The following COG8 variants were observed in gnomAD, a reference collection of about 807,000 sequenced individuals.
The protein encoded by COG8 is component of oligomeric golgi complex 8.
A neutral mutation model predicts 46.5 loss-of-function variants in COG8; 45 were observed. That is an observed-to-expected ratio of 0.97 (90% CI 0.76 to 1.24). The LOEUF (loss-of-function observed/expected upper bound fraction) is 1.24, where lower values mean the gene tolerates loss of function less well. COG8 is among the 50% of genes most tolerant of loss of function. The pLI is 0.00. For synonymous variants in COG8, 407 were observed against 347.8 expected (o/e 1.17, Z -1.90); for missense variants, 793 against 820.8 (o/e 0.97, Z 0.41).
At chr16:69,335,372 C>T in intron 2 of COG8, 24 bp from the exon 3 acceptor site, 1 of 1,553,110 alleles carries the variant, frequency 6.4e-7, no homozygotes, top group South Asian at 1.2e-5. Context: ...GAGAGAGTCA[C>T]ACTGCGCTGG....
rs1397753029 is a variant in COG8 at position 69,328,331 on chromosome 16, T to C, written c.*875A>G. On this transcript the variant is annotated 3_prime_UTR_variant, in exon 6 of 6. Coordinates refer to ENST00000306875, the MANE Select transcript of COG8 (RefSeq NM_032382.5). ...TATAACCAGGAAGTACTAATCCTGC[T>C]TTCTATGCCCAATTGTTAACAGGAA... The C allele has an allele frequency of 6.6e-6, 1 of 152,240 alleles. No individual in the cohort carries two copies. The highest frequency in any genetic ancestry group is 2.4e-5 in the African/African-American group (1 of 41,458). 9.4% of individuals were successfully genotyped at this position (152,240 alleles called of 1,614,324 possible).
chr16:69,332,551 G>C, intron 4 of COG8, 163 bp downstream of exon 4: 1 of 750,412 alleles, frequency 1.3e-6, no homozygotes, highest in Non-Finnish European at 2.3e-6. Context: ...ATGCTGTCGA[G>C]GAATGACTAC....
chr16:69,332,997 T>A, intron 3 of COG8, 115 bp from the exon 4 acceptor site: 2 of 903,382 alleles, frequency 2.2e-6, no homozygotes, highest in Non-Finnish European at 3.6e-6. Context: ...CAAAGTAATT[T>A]AACAGTACAT....
chr16:69,333,866 G>A (rs1567431339), intron 3 of COG8, among the ~76,000 whole-genome samples: 1 of 152,174 alleles, frequency 6.6e-6, no homozygotes, highest in Non-Finnish European at 1.5e-5. Context: ...AAAAGAATAT[G>A]CTAAAGGTAA....
rs1426967569 is a variant in COG8 at position 69,334,725 on chromosome 16, T to A, written c.1209A>T (p.Pro403=). The stretch of plus-strand genomic sequence containing the variant: ...GCATGTTACTGGTGCCCAGGATGGC[T>A]GGAGCCGAGATGAGCATGTAGGAGT... ...EMNSYMLISA[P]AILGTSNMPA... Residue 403 remains proline, a synonymous_variant, in exon 3 of 6, where the codon CCA becomes CCT. Transcript: ENST00000306875. The A allele has an allele frequency of 2.0e-5, 33 of 1,614,086 alleles. No homozygotes were observed. The highest frequency in any genetic ancestry group is 2.5e-5 in the Non-Finnish European group (30 of 1,180,058).
chr16:69,330,736 T>G, intron 5 of COG8, 77 bp downstream of exon 5: 1 of 1,427,216 alleles, frequency 7.0e-7, no homozygotes, highest in Non-Finnish European at 9.1e-7. Flanking sequence ...CGGGAGCGCC[T>G]TCCCGCCTCC....
chr16:69,328,726 C>A lies in COG8; in HGVS notation c.*480G>T, dbSNP rs1965679896. 1 of 365,844 alleles carries A rather than the reference C, an allele frequency of 2.7e-6. No homozygotes were observed. Among genetic ancestry groups the A allele is most frequent in the African/African-American group, 2.2e-5 (1 of 45,844 alleles). 22.7% of individuals were successfully genotyped at this position (365,844 alleles called of 1,614,324 possible). A position where few individuals can be genotyped will look rare whatever the true frequency, so the allele number is the denominator to read the frequency against. On this transcript the variant is annotated 3_prime_UTR_variant, in exon 6 of 6. Transcript: ENST00000306875. ...GGAGATTATACAGGTCCGAGGAACT[C>A]GTGTCTACTGCAGACGAATGCAATT...
Position 69,330,121 on chromosome 16 carries a change from C to A in COG8, c.*26+692G>T, listed in dbSNP as rs1326949429. The A allele has an allele frequency of 3.8e-6, 6 of 1,584,056 alleles. No individual in the cohort carries two copies. The East Asian group carries it at 1.4e-4, about 38-fold the overall frequency. On this transcript the variant is annotated intron_variant, in intron 5 of 5. Transcript: ENST00000306875. Reference sequence around the variant, plus strand: ...GCAGGCTGGGGTTCACGAACACGCGCAGGGGGAAGGGCTCCATTTGGCGGA... The same window carrying A: ...GCAGGCTGGGGTTCACGAACACGCGAAGGGGGAAGGGCTCCATTTGGCGGA...
Position 69,336,496 on chromosome 16 carries a change from G to T in COG8, c.585+9C>A, listed in dbSNP as rs2012212329. The T allele has an allele frequency of 6.2e-7, 1 of 1,613,482 alleles. No homozygotes were observed. The highest frequency in any genetic ancestry group is 8.5e-7 in the Non-Finnish European group (1 of 1,179,730). On this transcript the variant is annotated intron_variant, in intron 2 of 5. Coordinates refer to ENST00000306875, the MANE Select transcript of COG8 (RefSeq NM_032382.5). The stretch of plus-strand genomic sequence containing the variant: ...ATTACTTTGAGTCCTCTCTGGGCAA[G>T]GTGGCTACCTGGATGACAGGGATGG...
intron 5 of COG8, chr16:69,330,118 G>C: frequency 6.3e-7 from 1 of 1,584,362 alleles, no homozygotes; most frequent in Non-Finnish European, 8.6e-7. Flanking sequence ...TCACGAACAC[G>C]CGCAGGGGGA....
intron 4 of COG8, among the ~76,000 whole-genome samples, chr16:69,331,769 G>A (rs2011869218): frequency 6.6e-6 from 1 of 152,024 alleles, no homozygotes; most frequent in Non-Finnish European, 1.5e-5. Context: ...CCAAAGTGCT[G>A]GGATTACAGG....
rs576761446 is a variant in COG8 at position 69,331,178 on chromosome 16, T to G, written c.1583-83A>C. ...GAAATTTAAGGGAGGCCGGGCGCGG[T>G]GGCTCACGCCTGTAATCCCAGCACT... On this transcript the variant is annotated intron_variant, in intron 4 of 5. Transcript: ENST00000306875. The G allele has an allele frequency of 3.3e-5, 48 of 1,462,880 alleles. 1 individual carries two copies. In the South Asian group the frequency reaches 5.1e-4, roughly 16 times the overall value. The allele number at this position is 1,462,880 out of a possible 1,614,324, so 90.6% of individuals were successfully genotyped here.
chr16:69,329,369 T>A (rs1965708814), intron 5 of COG8, among the ~76,000 whole-genome samples, 190 bp from the exon 6 acceptor site: 1 of 152,214 alleles, frequency 6.6e-6, no homozygotes, highest in South Asian at 2.1e-4. Flanking sequence ...GCGTTCAACC[T>A]GGTTCCCAAC....
intron 4 of COG8, 38 bp downstream of exon 4, chr16:69,332,676 C>T (rs1231661015): frequency 3.9e-6 from 6 of 1,557,460 alleles, no homozygotes; most frequent in Non-Finnish European, 4.4e-6. Context: ...GTGAATTACA[C>T]ATCAGTAAGG....
chr16:69,336,720 T>C lies in COG8; in HGVS notation c.378-8A>G. 1.2e-6 allele frequency: 2 copies of C among 1,613,166 alleles called. No individual in the cohort carries two copies. The highest frequency in any genetic ancestry group is 1.7e-6 in the Non-Finnish European group (2 of 1,179,234). On this transcript the variant is annotated splice_polypyrimidine_tract_variant and splice_region_variant and intron_variant, in intron 1 of 5. Coordinates refer to ENST00000306875, the MANE Select transcript of COG8 (RefSeq NM_032382.5). ...GCTTCCTTCACAAAGTTCCTAGTAA[T>C]AATCAGAAGAATGTTGATCCTTCAC...
Position 69,336,647 on chromosome 16 carries a change from C to T in COG8, c.443G>A (p.Arg148Gln), listed in dbSNP as rs966313565. 3 of 1,614,030 alleles carry T rather than the reference C, an allele frequency of 1.9e-6. No homozygotes were observed. The highest frequency in any genetic ancestry group is 2.5e-6 in the Non-Finnish European group (3 of 1,180,012). Residue 148 changes from arginine to glutamine, a missense_variant, in exon 2 of 6, where the codon CGG (arginine) becomes CAG (glutamine). Transcript: ENST00000306875. ...CAGTATTTCCAAAATTTCTGTGTGC[C>T]GGTTTAGGGTCAGGCTATTCATCCG... is the stretch of plus-strand genomic sequence containing the variant. Reference protein sequence around the residue: ...NRRMNSLTLNRHTEILEILEI... With the variant: ...NRRMNSLTLNQHTEILEILEI...
At position 69,336,532 on chromosome 16, in the gene COG8, C is replaced by T. The variant is rs754606895; in HGVS notation, c.558G>A (p.Arg186=). 2.3e-5 allele frequency: 37 copies of T among 1,614,024 alleles called. No homozygotes were observed. The East Asian group carries it at 5.8e-4, about 25-fold the overall frequency. The change falls in exon 2 of 6, where the codon AGG becomes AGA. Residue 186 remains arginine, a synonymous_variant. Coordinates refer to ENST00000306875, the MANE Select transcript of COG8 (RefSeq NM_032382.5). ...GGATGACAGGGATGGAAGAGTATTT[C>T]CTCTCCAGTCGGCGTACGTAGGCTG... ...ELAAYVRRLE[R]KYSSIPVIQG...
At chr16:69,334,494 A>T (rs1338725531) in intron 3 of COG8, 27 bp downstream of exon 3, 23 of 1,594,988 alleles carry the variant, frequency 1.4e-5, no homozygotes, top group Non-Finnish European at 2.0e-5. Context: ...GGCCCAGGGT[A>T]GCAGAAAACC....
chr16:69,336,757 C>T (rs1441019787), intron 1 of COG8, 45 bp from the exon 2 acceptor site: 1 of 1,540,770 alleles, frequency 6.5e-7, no homozygotes, highest in Non-Finnish European at 9.0e-7. Flanking sequence ...GCTCTGTACC[C>T]AAACCTTAGC....
Sources: allele counts gnomAD v4.1 joint callset (sites outside exome capture counted in the v4.1 genomes callset), GRCh38; gene constraint gnomAD v4.1.1; transcripts MANE v1.5; gene names NCBI Gene and HGNC (gene_info 2026-07-23, HGNC 2026-07-21).